The following RP1L1 variants were observed in gnomAD, a reference collection of about 807,000 sequenced individuals.
RP1L1 encodes RP1 like 1, also known as retinitis pigmentosa 1-like 1 protein.
Under a neutral mutation model 15.7 loss-of-function variants are expected in RP1L1, and 27 were observed. That is an observed-to-expected ratio of 1.72 (90% CI 1.27 to 2.38). The LOEUF (loss-of-function observed/expected upper bound fraction) is 2.38, where lower values mean the gene tolerates loss of function less well. Ranked by LOEUF, RP1L1 falls within the 30% of genes most tolerant of loss-of-function variation. RP1L1 has a pLI of 0.00. For synonymous variants in RP1L1, 1,813 were observed against 1,276.7 expected (o/e 1.42, Z -8.96); for missense variants, 4,798 against 3,075.9 (o/e 1.56, Z -13.24).
chr8:10,610,140 C>A lies in RP1L1; in HGVS notation c.3958G>T (p.Val1320Leu), dbSNP rs1463557750. The A allele has an allele frequency of 2.3e-5, 34 of 1,493,454 alleles. No individual in the cohort carries two copies. The South Asian group carries it at 2.7e-4, about 12-fold the overall frequency. The allele number at this position is 1,493,454 out of a possible 1,614,324, so 92.5% of individuals were successfully genotyped here. The change falls in exon 4 of 4, where the codon GTG (valine) becomes TTG (leucine). Residue 1320 changes from valine to leucine, a missense_variant. Val to Leu is a conservative substitution (Grantham distance 32, BLOSUM62 1). Coordinates refer to ENST00000382483, the MANE Select transcript of RP1L1 (RefSeq NM_178857.6). ...TCTGTTTTAGTTTCCTCTAACTGCA[C>A]CGCCTCTTCTTGCAGCCCTTCTCCT... ...TEGEGLQEEAVQLEETKTEEG... is the reference protein window; with the variant it reads ...TEGEGLQEEALQLEETKTEEG...
At chr8:10,629,557 G>A (rs993659126) in intron 1 of RP1L1, among the ~76,000 whole-genome samples, 6 of 152,156 alleles carry the variant, frequency 3.9e-5, no homozygotes, top group African/African-American at 1.4e-4. Context: ...CCACAGGTGT[G>A]GTCCCAAGGC....
chr8:10,621,485 C>T (rs531777855), intron 2 of RP1L1: 4 of 319,422 alleles, frequency 1.3e-5, no homozygotes, highest in African/African-American at 2.2e-5. Context: ...GCCAACACAC[C>T]TGGCTAATTT....
At chr8:10,630,932 G>T (rs1798231346) in intron 1 of RP1L1, among the ~76,000 whole-genome samples, 1 of 152,204 alleles carries the variant, frequency 6.6e-6, no homozygotes, top group Non-Finnish European at 1.5e-5. Context: ...GCTTGTGGGG[G>T]CTGGGAGGTG....
intron 1 of RP1L1, among the ~76,000 whole-genome samples, chr8:10,629,213 G>A (rs1238418805): frequency 6.6e-6 from 1 of 152,204 alleles, no homozygotes; most frequent in African/African-American, 2.4e-5. Context: ...AACAGCCAAG[G>A]AACAAGCAAA....
At chr8:10,625,159 G>C (rs1036022070) in intron 1 of RP1L1, among the ~76,000 whole-genome samples, 50 of 152,272 alleles carry the variant, frequency 3.3e-4, no homozygotes, top group African/African-American at 1.1e-3. Context: ...AAATCATGAG[G>C]TTTCTCCTCC....
At chr8:10,632,388 A>G (rs1019445512) in intron 1 of RP1L1, among the ~76,000 whole-genome samples, 5 of 152,158 alleles carry the variant, frequency 3.3e-5, no homozygotes, top group Non-Finnish European at 7.4e-5. Context: ...CACCTTTCAC[A>G]TGTTTTCATT....
At chr8:10,614,385 C>T (rs570977843) in intron 3 of RP1L1, among the ~76,000 whole-genome samples, 1 of 152,046 alleles carries the variant, frequency 6.6e-6, no homozygotes, top group Non-Finnish European at 1.5e-5. Flanking sequence ...ATGAGCCAGG[C>T]GTGATAGCTC....
chr8:10,644,478 A>AT (rs1261210130), intron 1 of RP1L1, among the ~76,000 whole-genome samples: 2 of 152,192 alleles, frequency 1.3e-5, no homozygotes, highest in African/African-American at 4.8e-5. Context: ...TAAGTCCCCC[A>AT]GCCCTTAGCT....
At chr8:10,620,714 T>A (rs558470847) in intron 2 of RP1L1, among the ~76,000 whole-genome samples, 1 of 152,152 alleles carries the variant, frequency 6.6e-6, no homozygotes, top group Non-Finnish European at 1.5e-5. Flanking sequence ...AACAAGGAAG[T>A]TCTGTGTTGG....
In RP1L1 at chr8:10,609,671, C is replaced by G. The variant is rs1310286240; in HGVS notation, c.4427G>C (p.Gly1476Ala). The change falls in exon 4 of 4, where the codon GGT becomes GCT. Residue 1476 changes from glycine (G) to alanine (A), a missense_variant. By Grantham distance (60) the Gly-to-Ala change is moderately conservative (BLOSUM62 0). Coordinates refer to ENST00000382483, the MANE Select transcript of RP1L1 (RefSeq NM_178857.6). Reference sequence around the variant, plus strand: ...GGTGGCTCCGGGCGGCTTTTCCAAACCAGGCTCAAGCTGGGAGCCACTCTG... The same window carrying G: ...GGTGGCTCCGGGCGGCTTTTCCAAAGCAGGCTCAAGCTGGGAGCCACTCTG... ...ERQSGSQLEP[G>A]LEKPPGATMM... The G allele has an allele frequency of 1.9e-6, 3 of 1,612,180 alleles. No homozygotes were observed. The highest frequency in any genetic ancestry group is 8.5e-7 in the Non-Finnish European group (1 of 1,179,990).
At position 10,609,456 on chromosome 8, in the gene RP1L1, G is replaced by T. The variant is rs574264133; in HGVS notation, c.4642C>A (p.Gln1548Lys). The T allele has an allele frequency of 2.5e-6, 4 of 1,612,332 alleles. No individual in the cohort carries two copies. Among genetic ancestry groups the T allele is most frequent in the East Asian group, 2.2e-5 (1 of 44,868 alleles). The change falls in exon 4 of 4, where the codon CAG becomes AAG. Residue 1548 changes from glutamine (Q) to lysine (K), a missense_variant. Coordinates refer to ENST00000382483, the MANE Select transcript of RP1L1 (RefSeq NM_178857.6). ...ATCTGGTCCAGCAGATCATTGTCCT[G>T]CAGGCCCCAGCGTGCTCGGAGCTCA... is the stretch of plus-strand genomic sequence containing the variant. ...VAELRARWGL[Q>K]DNDLLDQMAA... is the part of the protein sequence containing the mutation.
intron 1 of RP1L1, among the ~76,000 whole-genome samples, chr8:10,641,776 A>C (rs1264886855): frequency 6.6e-6 from 1 of 152,266 alleles, no homozygotes; most frequent in Non-Finnish European, 1.5e-5. Context: ...AAGAATGAAG[A>C]CTTAAGCAAA....
chr8:10,643,227 C>G (rs1309506238), intron 1 of RP1L1, among the ~76,000 whole-genome samples: 1 of 152,158 alleles, frequency 6.6e-6, no homozygotes, highest in African/African-American at 2.4e-5. Context: ...GTAGTCCCAG[C>G]TACTCAGGAG....
intron 1 of RP1L1, among the ~76,000 whole-genome samples, chr8:10,650,542 A>G (rs1798543493): frequency 6.8e-6 from 1 of 147,564 alleles, no homozygotes; most frequent in South Asian, 2.2e-4. Flanking sequence ...TAAGAGCAAG[A>G]CTCCGTAGTT....
chr8:10,616,234 TG>T (rs1300240847), intron 3 of RP1L1, among the ~76,000 whole-genome samples: 1 of 152,194 alleles, frequency 6.6e-6, no homozygotes, highest in Non-Finnish European at 1.5e-5. Flanking sequence ...TACCAAGCAC[TG>T]CCCTCTCCTA....
Position 10,611,542 on chromosome 8 carries a change from G to T in RP1L1, c.2556C>A (p.Tyr852Ter). The change falls in exon 4 of 4, where the codon TAC (tyrosine) becomes TAA (stop). Residue 852 changes from tyrosine (Y) to a stop codon, truncating the protein, a stop_gained. Transcript: ENST00000382483. LOFTEE classifies it low-confidence loss of function (END_TRUNC). ...SPEASWLCGRYCPTPPRGRPC... is the reference protein window; with the variant it reads ...SPEASWLCGR ...GCCGCCCCCTGGGCGGGGTGGGACA[G>T]TACCTGCCACACAGCCAGCTAGCCT... 2 of 1,594,114 alleles carry T rather than the reference G, an allele frequency of 1.3e-6. No homozygotes were observed. The highest frequency in any genetic ancestry group is 2.3e-5 in the East Asian group (1 of 44,284).
In RP1L1 at chr8:10,610,257, C is replaced by G. The variant is rs1444177420; in HGVS notation, c.3841G>C (p.Glu1281Gln). Reference protein sequence around the residue: ...TNEDEAERDSEEQRASSNLEQ... With the variant: ...TNEDEAERDSQEQRASSNLEQ... ...AGGTTCGAGCTCGCCCTCTGCTCCT[C>G]ACTGTCTCTTTCTGCTTCATCCTCA... is the stretch of plus-strand genomic sequence containing the variant. The change falls in exon 4 of 4, where the codon GAG becomes CAG. Residue 1281 changes from glutamate (E) to glutamine (Q), a missense_variant. Glu to Gln is a conservative substitution (Grantham distance 29). Transcript: ENST00000382483. 2 of 1,614,086 alleles carry G rather than the reference C, an allele frequency of 1.2e-6. No homozygotes were observed. Among genetic ancestry groups the G allele is most frequent in the South Asian group, 1.1e-5 (1 of 91,082 alleles).
chr8:10,631,802 C>T (rs113074884), intron 1 of RP1L1, among the ~76,000 whole-genome samples: 348 of 152,310 alleles, frequency 2.3e-3, no homozygotes, highest in African/African-American at 7.8e-3. Context: ...AGACCAAGGG[C>T]GATGGGTCCT....
chr8:10,607,855 C>A lies in RP1L1; in HGVS notation c.6243G>T (p.Glu2081Asp), dbSNP rs569584450. 4.0e-5 allele frequency: 63 copies of A among 1,589,962 alleles called. 1 individual carries two copies. In the South Asian group the frequency reaches 6.8e-4, roughly 17 times the overall value. ...CCTCCTGGGCATCTACATCTTCTGA[C>A]TCTGGGTGGGCCTCCCCTTCTGCCT... ...VQEAEGEAHP[E>D]SEDVDAQEAE... The change falls in exon 4 of 4, where the codon GAG becomes GAT. Residue 2081 changes from glutamate (E) to aspartate (D), a missense_variant. Transcript: ENST00000382483.
Sources: allele counts gnomAD v4.1 joint callset (sites outside exome capture counted in the v4.1 genomes callset), GRCh38; gene constraint gnomAD v4.1.1; transcripts MANE v1.5; gene names NCBI Gene and HGNC (gene_info 2026-07-23, HGNC 2026-07-21).